The following PCDH11X variants were observed in gnomAD, a reference collection of about 807,000 sequenced individuals.
The protein encoded by PCDH11X is protocadherin-11 X-linked.
PCDH11X carries 18 observed loss-of-function variants against 53.3 expected under a neutral mutation model. The observed-to-expected ratio is 0.34, with a 90% CI of 0.23 to 0.50. The LOEUF (loss-of-function observed/expected upper bound fraction) is 0.50, where lower values mean the gene tolerates loss of function less well. PCDH11X is among the 20% of genes least tolerant of loss of function. The pLI, the probability that PCDH11X is intolerant of heterozygous loss-of-function variation, is 0.98. For missense variants in PCDH11X, 570 were observed against 1,032.4 expected (o/e 0.55, Z 6.14); for synonymous variants, 279 against 393.3 (o/e 0.71, Z 3.44).
rs56334896 is a variant in PCDH11X at position 92,551,989 on chromosome X, G to GTTT, written c.3368-66259_3368-66257dup. On this transcript the variant is annotated intron_variant, in intron 10 of 10. Transcript: ENST00000682573. ...GAAGTCAGGTAAGGTGATTCCTCTG[G>GTTT]TTTTTTTTTTTTTTTTTTCTCAGGA... Among the ~76,000 whole-genome samples the GTTT allele has an allele frequency of 3.5e-4, 27 of 76,145 alleles. 1 individual carries two copies. The highest frequency in any genetic ancestry group is 1.7e-3 in the Admixed American group (11 of 6,313). 66.1% of individuals were successfully genotyped at this position (76,145 alleles called of 115,157 possible). A position where few individuals can be genotyped will look rare whatever the true frequency, so the allele number is the denominator to read the frequency against.
chrX:92,227,145 G>A (rs750829989), intron 7 of PCDH11X, among the ~76,000 whole-genome samples: 31 of 111,541 alleles, frequency 2.8e-4, no homozygotes, highest in African/African-American at 1.0e-3. Flanking sequence ...CCTCTAAGGA[G>A]TGCACTTATA....
At chrX:92,229,290 G>C (rs1210848495) in intron 7 of PCDH11X, among the ~76,000 whole-genome samples, 1 of 111,132 alleles carries the variant, frequency 9.0e-6, no homozygotes, top group Non-Finnish European at 1.9e-5. Context: ...GGCATTTAAG[G>C]GGGTAGGAGT....
intron 6 of PCDH11X, among the ~76,000 whole-genome samples, chrX:92,014,026 G>C (rs1249674756): frequency 1.1e-4 from 12 of 111,721 alleles, no homozygotes; most frequent in African/African-American, 3.9e-4. Context: ...AGCCAAAATT[G>C]ACATATGGGA....
At chrX:92,260,342 G>A (rs1430327366) in intron 7 of PCDH11X, among the ~76,000 whole-genome samples, 1 of 110,750 alleles carries the variant, frequency 9.0e-6, no homozygotes, top group African/African-American at 3.3e-5. Flanking sequence ...CGTCGGCTGA[G>A]TTTTTTCTGG....
At chrX:92,285,443 G>A (rs1400633251) in intron 8 of PCDH11X, among the ~76,000 whole-genome samples, 4 of 109,114 alleles carry the variant, frequency 3.7e-5, no homozygotes, top group African/African-American at 1.3e-4. Context: ...AGTAGAGATG[G>A]GGTTTCTCCA....
intron 8 of PCDH11X, among the ~76,000 whole-genome samples, chrX:92,375,806 T>G (rs1180218229): frequency 9.1e-6 from 1 of 109,668 alleles, no homozygotes; most frequent in Non-Finnish European, 1.9e-5. Flanking sequence ...GTATTTTTAG[T>G]AGAGACAGGG....
rs778427057 is a variant in PCDH11X, at chrX:91,943,489, A to G, written c.3033+64216A>G. 1.1e-4 allele frequency among the ~76,000 whole-genome samples: 12 copies of G among 111,061 alleles called. No homozygotes were observed. In the South Asian group the frequency reaches 4.5e-3, roughly 42 times the overall value. On this transcript the variant is annotated intron_variant, in intron 6 of 10. Coordinates refer to ENST00000682573, the MANE Select transcript of PCDH11X (RefSeq NM_032968.5). Reference sequence around the variant, plus strand: ...CCATATTAAGAAAACTGAAAAAGGAAAAGCACATGATCATCATAGCAAATA... The same window carrying G: ...CCATATTAAGAAAACTGAAAAAGGAGAAGCACATGATCATCATAGCAAATA...
chrX:92,615,683 C>A (rs1927885521), intron 10 of PCDH11X, among the ~76,000 whole-genome samples: 1 of 111,152 alleles, frequency 9.0e-6, no homozygotes, highest in Non-Finnish European at 1.9e-5. Flanking sequence ...TTGTATGTGC[C>A]TGGATTAAAA....
At chrX:91,997,682 A>G (rs1029499423) in intron 6 of PCDH11X, among the ~76,000 whole-genome samples, 1 of 111,312 alleles carries the variant, frequency 9.0e-6, no homozygotes, top group African/African-American at 3.3e-5. Flanking sequence ...AATTTTTTTT[A>G]TAATGTCCTT....
rs190746288 is a variant in PCDH11X at position 92,116,744 on chromosome X, C to T, written c.3034-84631C>T. On this transcript the variant is annotated intron_variant, in intron 6 of 10. Transcript: ENST00000682573. ...GGGACTATAGTCATGTGCCACCATG[C>T]TTAGCAAATGTTTTGTATTTTTTTG... Among the ~76,000 whole-genome samples the T allele has an allele frequency of 8.2e-5, 9 of 110,239 alleles. 1 individual carries two copies. The highest frequency in any genetic ancestry group is 3.0e-4 in the African/African-American group (9 of 30,367).
chrX:92,038,333 G>A lies in PCDH11X; in HGVS notation c.3033+159060G>A, dbSNP rs751192812. Among the ~76,000 whole-genome samples, 73 of 110,345 alleles carry A rather than the reference G, an allele frequency of 6.6e-4. 1 individual carries two copies. The highest frequency in any genetic ancestry group is 6.8e-4 in the Non-Finnish European group (36 of 52,974). Reference sequence around the variant, plus strand: ...GGGCCAGGCTCAAGGTCCCCATGCTGTGTACAGCCCAGGGACTTGGTGCCC... The same window carrying A: ...GGGCCAGGCTCAAGGTCCCCATGCTATGTACAGCCCAGGGACTTGGTGCCC... On this transcript the variant is annotated intron_variant, in intron 6 of 10. Coordinates refer to ENST00000682573, the MANE Select transcript of PCDH11X (RefSeq NM_032968.5).
intron 10 of PCDH11X, among the ~76,000 whole-genome samples, chrX:92,498,978 G>C (rs1313766312): frequency 7.3e-5 from 5 of 68,190 alleles, no homozygotes; most frequent in Non-Finnish European, 1.4e-4. Context: ...TAGATAACTT[G>C]AGCGGCTGCA....
At chrX:92,093,071 C>G (rs34549885) in intron 6 of PCDH11X, among the ~76,000 whole-genome samples, 39 of 111,680 alleles carry the variant, frequency 3.5e-4, no homozygotes, top group African/African-American at 1.2e-3. Context: ...TCTGCCATAA[C>G]TGAAAGTTTC....
chrX:92,494,562 A>G (rs1268264197), intron 10 of PCDH11X, among the ~76,000 whole-genome samples: 5 of 111,841 alleles, frequency 4.5e-5, no homozygotes, highest in Admixed American at 3.8e-4. Flanking sequence ...TTTTTTAATC[A>G]GCCTTGTTTT....
At chrX:92,134,763 G>A (rs967548474) in intron 6 of PCDH11X, among the ~76,000 whole-genome samples, 14 of 111,503 alleles carry the variant, frequency 1.3e-4, no homozygotes, top group African/African-American at 1.6e-4. Flanking sequence ...ATGTTACCAC[G>A]TATTTGTTAA....
chrX:91,899,954 G>C (rs7884540), intron 6 of PCDH11X, among the ~76,000 whole-genome samples: 7,264 of 111,496 alleles, frequency 0.065, 594 homozygotes, highest in African/African-American at 0.23. Flanking sequence ...CACCTCAGCA[G>C]GTCGTGGTTT....
chrX:92,245,196 C>G lies in PCDH11X; in HGVS notation c.3115-17918C>G, dbSNP rs1418891934. Among the ~76,000 whole-genome samples, 3 of 112,454 alleles carry G rather than the reference C, an allele frequency of 2.7e-5. No homozygotes were observed. In the East Asian group the frequency reaches 8.4e-4, roughly 32 times the overall value. The stretch of plus-strand genomic sequence containing the variant: ...ATGAGCCTCTAGGGGAATGAAATAC[C>G]TTTTTAAATAAAGCTCAGACCCTAT... On this transcript the variant is annotated intron_variant, in intron 7 of 10. Transcript: ENST00000682573.
chrX:91,980,738 A>C (rs2062116752), intron 6 of PCDH11X, among the ~76,000 whole-genome samples: 1 of 108,392 alleles, frequency 9.2e-6, no homozygotes, highest in Non-Finnish European at 1.9e-5. Flanking sequence ...CCCAGCCCCA[A>C]ACTGGAGATC....
intron 10 of PCDH11X, among the ~76,000 whole-genome samples, chrX:92,570,327 C>T (rs1214682424): frequency 3.6e-5 from 4 of 111,672 alleles, no homozygotes; most frequent in Non-Finnish European, 5.6e-5. Flanking sequence ...TATATTAATC[C>T]ATATTTTATG....
Sources: gnomAD v4.1 joint callset for allele counts (sites outside exome capture counted in the v4.1 genomes callset) on GRCh38, gnomAD v4.1.1 for gene constraint, MANE v1.5 for transcripts, NCBI Gene and HGNC (gene_info 2026-07-23, HGNC 2026-07-21) for gene names.